Variants in RORA observed in about 807,000 individuals in gnomAD.
RORA encodes the protein nuclear receptor ROR-alpha.
Under a neutral mutation model 69.5 loss-of-function variants are expected in RORA, and 7 were observed. That is an observed-to-expected ratio of 0.10 (90% CI 0.06 to 0.19). The LOEUF (loss-of-function observed/expected upper bound fraction) is 0.19. Among genes scored for constraint, RORA ranks in the 10% least tolerant of loss-of-function variants. The pLI, the probability that RORA is intolerant of heterozygous loss-of-function variation, is 1.00. For missense variants in RORA, 457 were observed against 663.0 expected (o/e 0.69, Z 3.41); for synonymous variants, 261 against 240.8 (o/e 1.08, Z -0.78).
At chr15:60,894,086 A>G (rs930970578) in intron 1 of RORA, among the ~76,000 whole-genome samples, 5 of 152,074 alleles carry the variant, frequency 3.3e-5, no homozygotes, top group African/African-American at 1.2e-4. Flanking sequence ...CTCAGAAGCC[A>G]TGTCATGGCT....
chr15:61,096,096 G>A (rs1013569186), intron 1 of RORA, among the ~76,000 whole-genome samples: 6 of 152,210 alleles, frequency 3.9e-5, no homozygotes, highest in Non-Finnish European at 7.3e-5. Flanking sequence ...TCCCAGAGCT[G>A]AGGCTTTGCA....
At chr15:60,993,868 C>T (rs28636420) in intron 1 of RORA, among the ~76,000 whole-genome samples, 2,959 of 152,184 alleles carry the variant, frequency 0.019, 99 homozygotes, top group African/African-American at 0.067. Flanking sequence ...GGGTGGATCC[C>T]TGTACACCAA....
At chr15:60,849,376 A>ACTT (rs1008890686) in intron 1 of RORA, among the ~76,000 whole-genome samples, 6 of 152,220 alleles carry the variant, frequency 3.9e-5, no homozygotes, top group Non-Finnish European at 8.8e-5. Flanking sequence ...TCATCTGAAA[A>ACTT]CTTTTAGGGA....
intron 2 of RORA, among the ~76,000 whole-genome samples, chr15:60,539,745 CCT>C (rs1418307471): frequency 1.3e-5 from 2 of 151,100 alleles, no homozygotes; most frequent in East Asian, 3.9e-4. Flanking sequence ...TTTTGTTTTT[CCT>C]CTCTTTTGCC....
At chr15:60,891,082 C>A (rs1166466765) in intron 1 of RORA, among the ~76,000 whole-genome samples, 1 of 152,184 alleles carries the variant, frequency 6.6e-6, no homozygotes, top group Non-Finnish European at 1.5e-5. Flanking sequence ...AGATCAAGGA[C>A]CCAGAATTCT....
intron 1 of RORA, among the ~76,000 whole-genome samples, chr15:60,906,575 G>A (rs1335611474): frequency 6.6e-6 from 1 of 152,170 alleles, no homozygotes; most frequent in Non-Finnish European, 1.5e-5. Context: ...TTTCTCTTCT[G>A]CAGCTTAATG....
chr15:61,136,336 C>A (rs1016816700), intron 1 of RORA, among the ~76,000 whole-genome samples: 3 of 152,166 alleles, frequency 2.0e-5, no homozygotes, highest in African/African-American at 7.2e-5. Context: ...GCACTGTTAT[C>A]CAGTTGTTAC....
rs555330472 is a variant in RORA at position 60,760,980 on chromosome 15, G to A, written c.167-82294C>T. ...AATATCAGAGTTTTTGTATGACGCT[G>A]CCTAATTAGTGCCACCCTAAGTTTC... is the stretch of plus-strand genomic sequence containing the variant. On this transcript the variant is annotated intron_variant, in intron 1 of 10. Transcript: ENST00000335670. Among the ~76,000 whole-genome samples the A allele has an allele frequency of 2.0e-5, 3 of 152,220 alleles. No homozygotes were observed. In the South Asian group the frequency reaches 6.2e-4, roughly 32 times the overall value.
At chr15:60,645,892 A>G (rs2140684761) in intron 2 of RORA, among the ~76,000 whole-genome samples, 1 of 152,164 alleles carries the variant, frequency 6.6e-6, no homozygotes, top group East Asian at 1.9e-4. Flanking sequence ...ATACACACAG[A>G]CGCATATACA....
At chr15:60,591,068 T>C (rs1289383415) in intron 2 of RORA, among the ~76,000 whole-genome samples, 1 of 152,156 alleles carries the variant, frequency 6.6e-6, no homozygotes, top group Non-Finnish European at 1.5e-5. Flanking sequence ...TGTCCTTCAT[T>C]CCAGATTGCA....
At chr15:60,772,894 C>T (rs541674995) in intron 1 of RORA, among the ~76,000 whole-genome samples, 4 of 152,290 alleles carry the variant, frequency 2.6e-5, no homozygotes, top group South Asian at 2.1e-4. Context: ...AAAATGTCTC[C>T]GATTAAGCCC....
intron 2 of RORA, among the ~76,000 whole-genome samples, chr15:60,552,249 A>G (rs1230522374): frequency 6.6e-6 from 1 of 152,212 alleles, no homozygotes; most frequent in Non-Finnish European, 1.5e-5. Flanking sequence ...CTGAGCCACA[A>G]GTGCACTGCA....
chr15:61,026,777 C>T (rs1895837582), intron 1 of RORA, among the ~76,000 whole-genome samples: 1 of 152,154 alleles, frequency 6.6e-6, no homozygotes, highest in Non-Finnish European at 1.5e-5. Flanking sequence ...AACTCAAAAA[C>T]CAGACACAAG....
chr15:60,728,049 T>C (rs548841541), intron 1 of RORA, among the ~76,000 whole-genome samples: 79 of 152,308 alleles, frequency 5.2e-4, no homozygotes, highest in African/African-American at 1.8e-3. Context: ...GCCTAGTATT[T>C]TTCCTCTGTA....
chr15:61,110,578 T>A (rs944253210), intron 1 of RORA, among the ~76,000 whole-genome samples: 3 of 152,304 alleles, frequency 2.0e-5, no homozygotes, highest in African/African-American at 7.2e-5. Context: ...TCCAGAGATA[T>A]TCCAGAAGGA....
At chr15:61,207,309 G>A (rs1239664989) in intron 1 of RORA, among the ~76,000 whole-genome samples, 2 of 152,144 alleles carry the variant, frequency 1.3e-5, no homozygotes, top group East Asian at 1.9e-4. Flanking sequence ...AGCCAAGGAT[G>A]GATTCCAGGA....
At chr15:60,771,465 C>T (rs893013974) in intron 1 of RORA, among the ~76,000 whole-genome samples, 5 of 152,136 alleles carry the variant, frequency 3.3e-5, no homozygotes, top group African/African-American at 1.2e-4. Context: ...AGTGACCTTG[C>T]CTTATGTTTC....
intron 1 of RORA, among the ~76,000 whole-genome samples, chr15:60,690,035 T>C (rs1359430265): frequency 6.6e-6 from 1 of 152,204 alleles, no homozygotes; most frequent in East Asian, 1.9e-4. Flanking sequence ...AGCCACCCAG[T>C]TTGTGGCACT....
chr15:60,947,360 TG>T (rs1179854911), intron 1 of RORA, among the ~76,000 whole-genome samples: 1 of 152,204 alleles, frequency 6.6e-6, no homozygotes, highest in Non-Finnish European at 1.5e-5. Context: ...AAAATTCTTC[TG>T]CCTTGGGATG....
Sources: allele counts gnomAD v4.1 joint callset (sites outside exome capture counted in the v4.1 genomes callset), GRCh38; gene constraint gnomAD v4.1.1; transcripts MANE v1.5; gene names NCBI Gene and HGNC (gene_info 2026-07-23, HGNC 2026-07-21).